CNTN1: variants seen among roughly 807,000 people sequenced by gnomAD.
CNTN1 encodes the protein contactin 1.
In CNTN1, 38 loss-of-function variants were observed where a neutral mutation model predicts 126.4. That is an observed-to-expected ratio of 0.30 (90% CI 0.23 to 0.39). The LOEUF (loss-of-function observed/expected upper bound fraction) is 0.39, where lower values mean the gene tolerates loss of function less well. CNTN1 is among the 10% of genes least tolerant of loss of function. CNTN1 has a pLI of 1.00. For synonymous variants in CNTN1, 413 were observed against 422.6 expected, an observed-to-expected ratio of 0.98 and a Z score of 0.28; for missense variants, 1,009 against 1,248.4, an observed-to-expected ratio of 0.81 and a Z score of 2.89.
intron 1 of CNTN1, among the ~76,000 whole-genome samples, chr12:40,752,520 G>A (rs780686730): frequency 9.9e-5 from 15 of 151,944 alleles, no homozygotes; most frequent in Non-Finnish European, 1.6e-4. Flanking sequence ...GTAGAGGATC[G>A]GGCTTACCTC....
chr12:40,915,254 A>G (rs974192603), intron 3 of CNTN1, among the ~76,000 whole-genome samples: 3 of 152,186 alleles, frequency 2.0e-5, no homozygotes, highest in Non-Finnish European at 2.9e-5. Flanking sequence ...GGCGCCAAGC[A>G]GTACTTTCAG....
intron 1 of CNTN1, chr12:40,729,318 T>C (rs1942436143): frequency 6.5e-6 from 1 of 153,104 alleles, no homozygotes; most frequent in Admixed American, 6.5e-5. Context: ...TTAGAATGCA[T>C]TGCAAGAAAT....
chr12:40,732,596 A>G (rs1942528099), intron 1 of CNTN1, among the ~76,000 whole-genome samples: 1 of 152,044 alleles, frequency 6.6e-6, no homozygotes, highest in African/African-American at 2.4e-5. Flanking sequence ...GAAACCACTA[A>G]CTGTGATGGT....
chr12:40,738,795 T>C (rs1565668869), intron 1 of CNTN1, among the ~76,000 whole-genome samples: 1 of 152,042 alleles, frequency 6.6e-6, no homozygotes, highest in East Asian at 1.9e-4. Flanking sequence ...GTTTTGTGTC[T>C]ACCAAATTTG....
At chr12:41,017,949 G>A (rs1422429530) in intron 19 of CNTN1, among the ~76,000 whole-genome samples, 2 of 152,004 alleles carry the variant, frequency 1.3e-5, no homozygotes, top group Admixed American at 1.3e-4. Context: ...AAATGAGCCA[G>A]GATTGGTGGC....
chr12:40,832,072 G>C (rs1422845181), intron 1 of CNTN1, among the ~76,000 whole-genome samples: 1 of 152,102 alleles, frequency 6.6e-6, no homozygotes, highest in Non-Finnish European at 1.5e-5. Context: ...AAACAAGGTG[G>C]GGCAGGTTAT....
At chr12:40,773,037 A>G (rs1461136573) in intron 1 of CNTN1, among the ~76,000 whole-genome samples, 1 of 151,884 alleles carries the variant, frequency 6.6e-6, no homozygotes, top group Non-Finnish European at 1.5e-5. Context: ...TTTGTAACTA[A>G]TCTTAGATAG....
chr12:40,693,106 C>G (rs1450495475), intron 1 of CNTN1, among the ~76,000 whole-genome samples: 1 of 152,164 alleles, frequency 6.6e-6, no homozygotes, highest in African/African-American at 2.4e-5. Context: ...CTTGTTTGTC[C>G]CCTGACCCCT....
At chr12:41,042,842 G>A (rs914771111) in intron 23 of CNTN1, among the ~76,000 whole-genome samples, 6 of 151,978 alleles carry the variant, frequency 3.9e-5, no homozygotes, top group Non-Finnish European at 8.8e-5. Flanking sequence ...CAGAAATAAT[G>A]CCGCATATCT....
chr12:40,734,703 ATT>A, intron 1 of CNTN1, among the ~76,000 whole-genome samples: 1 of 152,150 alleles, frequency 6.6e-6, no homozygotes, highest in African/African-American at 2.4e-5. Context: ...CACATATTCT[ATT>A]ATCATTACAA....
intron 1 of CNTN1, among the ~76,000 whole-genome samples, chr12:40,721,702 T>TC (rs796804837): frequency 0.14 from 10,887 of 76,676 alleles, 675 homozygotes; most frequent in Non-Finnish European, 0.15. Flanking sequence ...CCCTCCCCCC[T>TC]CCCCCCACCC....
At chr12:40,699,249 A>G (rs1941535962) in intron 1 of CNTN1, among the ~76,000 whole-genome samples, 1 of 152,230 alleles carries the variant, frequency 6.6e-6, no homozygotes, top group South Asian at 2.1e-4. Context: ...TTCTGAAGAA[A>G]TGAATAAAAG....
intron 1 of CNTN1, among the ~76,000 whole-genome samples, chr12:40,859,928 A>C (rs897221013): frequency 2.6e-5 from 4 of 152,180 alleles, no homozygotes; most frequent in African/African-American, 9.6e-5. Context: ...AGCTGATGTC[A>C]GTAAAAAATC....
intron 14 of CNTN1, among the ~76,000 whole-genome samples, chr12:40,953,525 T>C (rs895207959): frequency 6.6e-6 from 1 of 152,114 alleles, no homozygotes; most frequent in Non-Finnish European, 1.5e-5. Context: ...TTTTCTTCTT[T>C]CCTTCTGAGA....
At chr12:40,712,639 G>A (rs992361843) in intron 1 of CNTN1, among the ~76,000 whole-genome samples, 12 of 152,112 alleles carry the variant, frequency 7.9e-5, no homozygotes, top group Non-Finnish European at 1.6e-4. Flanking sequence ...GTGGACCTAT[G>A]AGCAAGAAAA....
intron 23 of CNTN1, among the ~76,000 whole-genome samples, chr12:41,060,392 T>G (rs12825902): frequency 0.034 from 5,154 of 152,290 alleles, 116 homozygotes; most frequent in Middle Eastern, 0.11. Context: ...ACATGTAAAT[T>G]TTCAAACTTT....
chr12:40,695,288 C>A (rs1006875313), intron 1 of CNTN1, among the ~76,000 whole-genome samples: 5 of 152,102 alleles, frequency 3.3e-5, no homozygotes, highest in Non-Finnish European at 5.9e-5. Context: ...GAAGGCTATG[C>A]CTTGGGAGGA....
At chr12:40,998,238 T>C (rs531774833) in intron 17 of CNTN1, among the ~76,000 whole-genome samples, 23 of 152,304 alleles carry the variant, frequency 1.5e-4, no homozygotes, top group African/African-American at 5.5e-4. Context: ...TTTAACTTAA[T>C]TTAAACAAAT....
intron 1 of CNTN1, among the ~76,000 whole-genome samples, chr12:40,844,268 G>A (rs6581999): frequency 0.9 from 135,971 of 151,312 alleles, 61,321 homozygotes; most frequent in East Asian, 0.98. Context: ...GGGTTTCACC[G>A]TATTGGCCAA....
Sources: allele counts gnomAD v4.1 joint callset (sites outside exome capture counted in the v4.1 genomes callset), GRCh38; gene constraint gnomAD v4.1.1; transcripts MANE v1.5; gene names NCBI Gene and HGNC (gene_info 2026-07-23, HGNC 2026-07-21).